Variants in NRBF2 observed in about 807,000 individuals in gnomAD.
NRBF2 encodes the protein nuclear receptor binding factor 2.
In NRBF2, 12 loss-of-function variants were observed where a neutral mutation model predicts 28.5. The observed-to-expected ratio is 0.42, with a 90% confidence interval of 0.27 to 0.68. The LOEUF is 0.68. Ranked by LOEUF, NRBF2 falls within the 30% of genes least tolerant of loss-of-function variation. NRBF2 has a pLI of 0.24. For missense variants in NRBF2, 274 were observed against 333.5 expected (o/e 0.82, Z 1.39); for synonymous variants, 102 against 116.5 (o/e 0.88, Z 0.80).
chr10:63,152,256 G>T, intron 3 of NRBF2, 66 bp downstream of exon 3: 1 of 1,242,052 alleles, frequency 8.1e-7, no homozygotes, highest in African/African-American at 1.5e-5. Context: ...CTTGAATTGT[G>T]TGTAAAGCAA....
Position 63,136,224 on chromosome 10 carries a change from C to A in NRBF2, c.30+2724C>A, listed in dbSNP as rs186992908. ...CTGGGCTCACTGCAGCCTCCACCTCCCGGGTTCAAGCAGTTCTCTGCCTCA... is the reference window on the plus strand; with the variant it reads ...CTGGGCTCACTGCAGCCTCCACCTCACGGGTTCAAGCAGTTCTCTGCCTCA... On this transcript the variant is annotated intron_variant, in intron 1 of 3. Transcript: ENST00000277746. Among the ~76,000 whole-genome samples, 466 of 151,678 alleles carry A rather than the reference C, an allele frequency of 3.1e-3. 3 individuals carry two copies. Among genetic ancestry groups the A allele is most frequent in the African/African-American group, 0.011 (453 of 41,348 alleles).
At chr10:63,139,602 C>G (rs1026832107) in intron 1 of NRBF2, among the ~76,000 whole-genome samples, 1 of 152,082 alleles carries the variant, frequency 6.6e-6, no homozygotes, top group Non-Finnish European at 1.5e-5. Flanking sequence ...GCAGGAAGGG[C>G]AGGGGTATAA....
chr10:63,138,228 G>A (rs1460382383), intron 1 of NRBF2, among the ~76,000 whole-genome samples: 3 of 152,040 alleles, frequency 2.0e-5, no homozygotes, highest in East Asian at 1.9e-4. Context: ...CAGGAGAATC[G>A]CTTGAATCCA....
chr10:63,147,752 C>G (rs1050641630), intron 2 of NRBF2, among the ~76,000 whole-genome samples: 2 of 151,968 alleles, frequency 1.3e-5, no homozygotes, highest in Non-Finnish European at 2.9e-5. Flanking sequence ...GCTATCCCTC[C>G]CCTAGCCTCC....
chr10:63,133,428 G>A lies in NRBF2; in HGVS notation c.-43G>A, dbSNP rs764525713. ...TGCAGTCCCCTCCATGTTCCCCGGCGCCACTACTCCCCTTCCTAAGGCCGC... is the reference window on the plus strand; with the variant it reads ...TGCAGTCCCCTCCATGTTCCCCGGCACCACTACTCCCCTTCCTAAGGCCGC... On this transcript the variant is annotated 5_prime_UTR_variant, in exon 1 of 4. Coordinates refer to ENST00000277746, the MANE Select transcript of NRBF2 (RefSeq NM_030759.5). The A allele has an allele frequency of 2.5e-6, 4 of 1,609,892 alleles. No individual in the cohort carries two copies. The highest frequency in any genetic ancestry group is 1.3e-5 in the African/African-American group (1 of 74,602).
chr10:63,150,419 TAAATTC>T, intron 2 of NRBF2: 1 of 886,184 alleles, frequency 1.1e-6, no homozygotes, highest in Non-Finnish European at 1.4e-6. Context: ...TTTTTTTTTT[TAAATTC>T]TTTTTAAATT....
intron 1 of NRBF2, among the ~76,000 whole-genome samples, chr10:63,138,277 C>T (rs185801637): frequency 8.1e-4 from 123 of 152,022 alleles, no homozygotes; most frequent in African/African-American, 2.9e-3. Flanking sequence ...CACGCCCTTG[C>T]ACTCCAGCCT....
At chr10:63,144,441 G>C (rs181486724) in intron 1 of NRBF2, among the ~76,000 whole-genome samples, 1 of 137,030 alleles carries the variant, frequency 7.3e-6, no homozygotes, top group Admixed American at 7.8e-5. Context: ...TTGAGACACA[G>C]TCTCGCTCTG....
intron 2 of NRBF2, among the ~76,000 whole-genome samples, chr10:63,151,064 G>A (rs551718586): frequency 2.6e-5 from 4 of 152,280 alleles, no homozygotes; most frequent in African/African-American, 9.6e-5. Flanking sequence ...GACCAGTACC[G>A]GCCTGGGGGT....
chr10:63,133,447 A>G lies in NRBF2; in HGVS notation c.-24A>G. The G allele has an allele frequency of 6.2e-7, 1 of 1,611,436 alleles. No individual in the cohort carries two copies. The highest frequency in any genetic ancestry group is 8.5e-7 in the Non-Finnish European group (1 of 1,178,738). On this transcript the variant is annotated 5_prime_UTR_variant, in exon 1 of 4. Transcript: ENST00000277746. ...CCCGGCGCCACTACTCCCCTTCCTA[A>G]GGCCGCCGCTTACCCCGGGGTCTAT...
chr10:63,151,006 G>A (rs549159822), intron 2 of NRBF2, among the ~76,000 whole-genome samples: 1 of 152,300 alleles, frequency 6.6e-6, no homozygotes, highest in Admixed American at 6.5e-5. Context: ...TGGCTTGCCT[G>A]CTGCTCACTT....
At chr10:63,140,635 A>G (rs1841449170) in intron 1 of NRBF2, among the ~76,000 whole-genome samples, 1 of 151,694 alleles carries the variant, frequency 6.6e-6, no homozygotes, top group Non-Finnish European at 1.5e-5. Flanking sequence ...GCTGGTCTCA[A>G]GCAGCCCTCC....
At chr10:63,136,817 T>C (rs551564204) in intron 1 of NRBF2, among the ~76,000 whole-genome samples, 2 of 152,196 alleles carry the variant, frequency 1.3e-5, no homozygotes, top group Non-Finnish European at 2.9e-5. Context: ...GGTTTGGCAG[T>C]AAGGGCCTTA....
chr10:63,150,116 A>G (rs1482402962), intron 2 of NRBF2, among the ~76,000 whole-genome samples: 3 of 135,592 alleles, frequency 2.2e-5, no homozygotes, highest in African/African-American at 5.4e-5. Flanking sequence ...TAATTTTTGT[A>G]TTTTTTTTTT....
At chr10:63,136,692 A>G (rs1030071518) in intron 1 of NRBF2, among the ~76,000 whole-genome samples, 7 of 152,206 alleles carry the variant, frequency 4.6e-5, no homozygotes, top group Admixed American at 2.0e-4. Flanking sequence ...CTTTCTAGCA[A>G]TGCTGCCATA....
chr10:63,148,414 G>T (rs1173490605), intron 2 of NRBF2, among the ~76,000 whole-genome samples: 1 of 152,156 alleles, frequency 6.6e-6, no homozygotes, highest in Non-Finnish European at 1.5e-5. Context: ...GCATCTCTAG[G>T]GCTTATAACT....
rs1286256048 is a variant in NRBF2, at chr10:63,146,211, T to C, written c.33T>C (p.Ala11=). MEVMEGPLNL[A]HQQSRRADRL... ...ACTTAGGGATGTTTGTCTTCTAGGCTCATCAACAGAGCAGACGAGCAGACC... is the reference window on the plus strand; with the variant it reads ...ACTTAGGGATGTTTGTCTTCTAGGCCCATCAACAGAGCAGACGAGCAGACC... Residue 11 remains alanine, a splice_region_variant and synonymous_variant, in exon 2 of 4, where the codon GCT becomes GCC. Coordinates refer to ENST00000277746, the MANE Select transcript of NRBF2 (RefSeq NM_030759.5). The C allele has an allele frequency of 1.2e-5, 20 of 1,611,182 alleles. No homozygotes were observed. Among genetic ancestry groups the C allele is most frequent in the Middle Eastern group, 2.1e-4 (1 of 4,660 alleles).
chr10:63,141,040 G>T (rs1165019715), intron 1 of NRBF2, among the ~76,000 whole-genome samples: 4 of 152,202 alleles, frequency 2.6e-5, no homozygotes, highest in African/African-American at 9.7e-5. Flanking sequence ...ACCAAGAACA[G>T]TATTTAAAGA....
At chr10:63,151,133 C>T (rs999335963) in intron 2 of NRBF2, among the ~76,000 whole-genome samples, 2 of 152,150 alleles carry the variant, frequency 1.3e-5, no homozygotes, top group Non-Finnish European at 2.9e-5. Context: ...CAGGCAAGAA[C>T]TCTTAAGTTA....
Sources: allele counts gnomAD v4.1 joint callset (sites outside exome capture counted in the v4.1 genomes callset), GRCh38; gene constraint gnomAD v4.1.1; transcripts MANE v1.5; gene names NCBI Gene and HGNC (gene_info 2026-07-23, HGNC 2026-07-21).